The following FCHSD1 variants were observed in gnomAD, a reference collection of about 807,000 sequenced individuals.
The protein encoded by FCHSD1 is F-BAR and double SH3 domains protein 1.
In FCHSD1, 109 loss-of-function variants were observed where a neutral mutation model predicts 101.3. That is an observed-to-expected ratio of 1.08 (90% CI 0.92 to 1.26). FCHSD1 has a LOEUF of 1.26. Ranked by LOEUF, FCHSD1 falls within the 50% of genes most tolerant of loss-of-function variation. The pLI, the probability that FCHSD1 is intolerant of heterozygous loss-of-function variation, is 0.00. For missense variants in FCHSD1, 820 were observed against 895.8 expected, an observed-to-expected ratio of 0.92 and a Z score of 1.08; for synonymous variants, 291 against 356.8, an observed-to-expected ratio of 0.82 and a Z score of 2.08.
intron 18 of FCHSD1, chr5:141,642,167 C>A (rs2099907001): frequency 3.9e-6 from 2 of 518,466 alleles, no homozygotes; most frequent in Admixed American, 3.7e-5. Context: ...CATTCCACAG[C>A]CATAAAAAAG....
chr5:141,640,258 A>G lies in FCHSD1; in HGVS notation c.*1240T>C, dbSNP rs1422430744. The G allele has an allele frequency of 6.2e-7, 1 of 1,614,052 alleles. No individual in the cohort carries two copies. The highest frequency in any genetic ancestry group is 2.2e-5 in the East Asian group (1 of 44,882). On this transcript the variant is annotated 3_prime_UTR_variant, in exon 20 of 20. Transcript: ENST00000435817. The stretch of plus-strand genomic sequence containing the variant: ...CCAGGGCTGCCCACTCAAGAGGCAA[A>G]TGGGCAGCCAAGCAAACCAGACACT...
chr5:141,645,791 G>T lies in FCHSD1; in HGVS notation c.1291C>A (p.Gln431Lys). The change falls in exon 13 of 20, where the codon CAG (glutamine) becomes AAG (lysine). Residue 431 changes from glutamine to lysine, a missense_variant. Gln to Lys is a moderately conservative substitution (Grantham distance 53). Coordinates refer to ENST00000435817, the MANE Select transcript of FCHSD1 (RefSeq NM_033449.3). ...CTCACGGTTGGAGAGAGGTCCCTCT[G>T]GGACAGCCGAGCCTCACTGAGCCGC... The part of the protein sequence containing the change: ...ERRLSEARLS[Q>K]RDLSPTAEDA... The T allele has an allele frequency of 6.2e-7, 1 of 1,611,460 alleles. No individual in the cohort carries two copies.
At chr5:141,651,188 A>C in intron 1 of FCHSD1, 71 bp from the exon 2 acceptor site, 10 of 925,568 alleles carry the variant, frequency 1.1e-5, no homozygotes, top group Admixed American at 2.3e-5. Context: ...GGGAGCGGTG[A>C]GGGGGCGGGG....
At chr5:141,650,482 C>A in intron 2 of FCHSD1, 78 bp from the exon 3 acceptor site, 1 of 1,593,854 alleles carries the variant, frequency 6.3e-7, no homozygotes, top group Non-Finnish European at 8.6e-7. Flanking sequence ...CAGTCCTCTA[C>A]TCTGGGCAGG....
At chr5:141,647,071 G>C in intron 10 of FCHSD1, 64 bp downstream of exon 10, 1 of 1,417,430 alleles carries the variant, frequency 7.1e-7, no homozygotes, top group Non-Finnish European at 9.7e-7. Context: ...AAAGATAATG[G>C]AGGAGGCCTA....
chr5:141,643,673 AC>A (rs1306814662), intron 17 of FCHSD1, among the ~76,000 whole-genome samples: 1 of 152,110 alleles, frequency 6.6e-6, no homozygotes, highest in African/African-American at 2.4e-5. Flanking sequence ...AAATGGAGAA[AC>A]CCTGTATCTA....
At chr5:141,641,898 C>A in intron 18 of FCHSD1, 141 bp from the exon 19 acceptor site, 2 of 847,494 alleles carry the variant, frequency 2.4e-6, no homozygotes, top group South Asian at 1.6e-5. Context: ...TCACTCTATC[C>A]ACTGTCCTCA....
rs1262283268 is a variant in FCHSD1, at chr5:141,649,704, C to T, written c.234-168G>A. Among the ~76,000 whole-genome samples, 1 of 152,206 alleles carries T rather than the reference C, an allele frequency of 6.6e-6. No homozygotes were observed. The highest frequency in any genetic ancestry group is 2.1e-4 in the South Asian group (1 of 4,830). On this transcript the variant is annotated intron_variant, in intron 4 of 19. Transcript: ENST00000435817. The surrounding 1 kb of genome is among the most constrained non-coding windows in gnomAD (Gnocchi z 4.1). The stretch of plus-strand genomic sequence containing the variant: ...CCCATTAGCTCAGCCACAAGCCTCA[C>T]TCCTGCCCTCCACCCCACCCACAGT...
intron 10 of FCHSD1, 29 bp downstream of exon 10, chr5:141,647,106 C>T (rs1454745285): frequency 1.9e-6 from 3 of 1,567,008 alleles, no homozygotes; most frequent in Non-Finnish European, 2.6e-6. Flanking sequence ...TTATATGTGG[C>T]CTGGTTCCAA....
chr5:141,644,666 C>G lies in FCHSD1; in HGVS notation c.1549G>C (p.Gly517Arg). 1 of 1,613,968 alleles carries G rather than the reference C, an allele frequency of 6.2e-7. No individual in the cohort carries two copies. The highest frequency in any genetic ancestry group is 8.5e-7 in the Non-Finnish European group (1 of 1,179,860). ...TTGAGATATCGCTCAGGGACAAAGC[C>G]TACCTCGCCGTGCTGGTTCCGAGCC... ...VKARNQHGEV[G>R]FVPERYLNFP... is the part of the protein sequence containing the mutation. Residue 517 changes from glycine (G) to arginine (R), a missense_variant, in exon 16 of 20, where the codon GGC becomes CGC. Transcript: ENST00000435817.
intron 18 of FCHSD1, chr5:141,642,400 T>C (rs990318207): frequency 1.4e-6 from 1 of 694,238 alleles, no homozygotes; most frequent in Admixed American, 2.1e-5. Flanking sequence ...AAATTACCTA[T>C]CAGGTACAAT....
intron 18 of FCHSD1, chr5:141,642,340 G>T: frequency 1.5e-6 from 1 of 657,804 alleles, no homozygotes; most frequent in South Asian, 1.7e-5. Flanking sequence ...CAGACTCCCA[G>T]GACTCCAAAG....
chr5:141,643,284 C>T (rs1346332975), intron 17 of FCHSD1, among the ~76,000 whole-genome samples, 196 bp from the exon 18 acceptor site: 1 of 152,008 alleles, frequency 6.6e-6, no homozygotes, highest in East Asian at 1.9e-4. Context: ...TTTACTATGT[C>T]TCAAGTGTTC....
intron 17 of FCHSD1, among the ~76,000 whole-genome samples, chr5:141,643,734 G>A (rs1348190721): frequency 6.6e-6 from 1 of 151,954 alleles, no homozygotes; most frequent in Admixed American, 6.6e-5. Context: ...TGTAATCCCA[G>A]CTACTCGAGG....
At chr5:141,641,826 G>A (rs2099906935) in intron 18 of FCHSD1, 69 bp from the exon 19 acceptor site, 3 of 1,466,690 alleles carry the variant, frequency 2.0e-6, no homozygotes, top group Middle Eastern at 1.7e-4. Context: ...CAGCACTTAG[G>A]ACAGTGGCAT....
rs377455600 is a variant in FCHSD1, at chr5:141,643,025, G to A, written c.1927C>T (p.Pro643Ser). 8.3e-6 allele frequency: 13 copies of A among 1,564,890 alleles called. No individual in the cohort carries two copies. The highest frequency in any genetic ancestry group is 1.9e-5 in the Admixed American group (1 of 52,946). ...CCCCCAGGCAGGACAGGTGCAGGGGGCCCATCCAACACAGAGGTAGGTGCA... is the reference window on the plus strand; with the variant it reads ...CCCCCAGGCAGGACAGGTGCAGGGGACCCATCCAACACAGAGGTAGGTGCA... ...PPAPTSVLDG[P>S]PAPVLPGDKA... The change falls in exon 18 of 20, where the codon CCC (proline) becomes TCC (serine). Residue 643 changes from proline to serine, a missense_variant. By Grantham distance (74) the Pro-to-Ser change is moderately conservative. Transcript: ENST00000435817.
At chr5:141,646,048 T>C in intron 12 of FCHSD1, 39 bp downstream of exon 12, 5 of 1,576,790 alleles carry the variant, frequency 3.2e-6, no homozygotes, top group Non-Finnish European at 3.5e-6. Flanking sequence ...GGGGCTTGCC[T>C]GAGAAGGTGG....
At chr5:141,647,043 A>C in intron 10 of FCHSD1, 92 bp downstream of exon 10, 3 of 1,254,824 alleles carry the variant, frequency 2.4e-6, no homozygotes, top group Non-Finnish European at 3.4e-6. Flanking sequence ...GTGTACACTC[A>C]CTAAGTTAAC....
At chr5:141,642,953 T>C in intron 18 of FCHSD1, 48 bp downstream of exon 18, 1 of 1,529,730 alleles carries the variant, frequency 6.5e-7, no homozygotes, top group Non-Finnish European at 8.8e-7. Flanking sequence ...AGCTTCCTCC[T>C]TCTTCCTGTC....
Sources: gnomAD v4.1 joint callset for allele counts (sites outside exome capture counted in the v4.1 genomes callset) on GRCh38, gnomAD v4.1.1 for gene constraint, Gnocchi (gnomAD v3.1) non-coding constraint, MANE v1.5 for transcripts, NCBI Gene and HGNC (gene_info 2026-07-23, HGNC 2026-07-21) for gene names.